The following APP variants were observed in gnomAD, a reference collection of about 807,000 sequenced individuals.
APP encodes amyloid-beta precursor protein.
Under a neutral mutation model 101.4 loss-of-function variants are expected in APP, and 31 were observed. The observed-to-expected ratio is 0.31, with a 90% CI of 0.23 to 0.41. The LOEUF (loss-of-function observed/expected upper bound fraction) is 0.41, where lower values mean the gene tolerates loss of function less well. APP is among the 10% of genes least tolerant of loss of function. APP has a pLI of 1.00. For synonymous variants in APP, 366 were observed against 364.4 expected (o/e 1.00, Z -0.05); for missense variants, 839 against 1,003.7 (o/e 0.84, Z 2.22).
At chr21:26,129,488 A>G (rs1473145564) in intron 1 of APP, among the ~76,000 whole-genome samples, 4 of 151,910 alleles carry the variant, frequency 2.6e-5, no homozygotes, top group Admixed American at 1.3e-4. Flanking sequence ...AAAAAATTTC[A>G]GGTCTTAGGT....
chr21:26,028,880 A>G (rs1176765185), intron 5 of APP, among the ~76,000 whole-genome samples: 1 of 152,180 alleles, frequency 6.6e-6, no homozygotes, highest in Non-Finnish European at 1.5e-5. Context: ...AGATGGGGCT[A>G]ATTGCTAATG....
intron 1 of APP, among the ~76,000 whole-genome samples, chr21:26,154,630 A>C (rs1379086750): frequency 6.6e-6 from 1 of 152,194 alleles, no homozygotes; most frequent in Non-Finnish European, 1.5e-5. Context: ...TTAGTACCTT[A>C]GTAACTAAAG....
intron 3 of APP, among the ~76,000 whole-genome samples, chr21:26,074,185 A>T (rs2061458937): frequency 6.6e-6 from 1 of 152,154 alleles, no homozygotes; most frequent in African/African-American, 2.4e-5. Context: ...AAATACAGGT[A>T]CCTAATCAAT....
At chr21:25,999,517 G>C (rs2043194025) in intron 7 of APP, among the ~76,000 whole-genome samples, 1 of 152,052 alleles carries the variant, frequency 6.6e-6, no homozygotes, top group African/African-American at 2.4e-5. Context: ...CACAATAAAA[G>C]ACATGTTATG....
intron 13 of APP, among the ~76,000 whole-genome samples, chr21:25,937,057 A>G (rs1475513397): frequency 6.6e-6 from 1 of 151,994 alleles, no homozygotes; most frequent in Non-Finnish European, 1.5e-5. Context: ...GTAAAGAAAA[A>G]GCTTTTCTTT....
At chr21:25,928,133 A>G (rs2039980442) in intron 13 of APP, among the ~76,000 whole-genome samples, 1 of 151,948 alleles carries the variant, frequency 6.6e-6, no homozygotes, top group Non-Finnish European at 1.5e-5. Context: ...TCACGAGGTC[A>G]GGAGATCGAC....
chr21:26,089,072 A>G (rs941905138), intron 3 of APP, among the ~76,000 whole-genome samples: 2 of 152,200 alleles, frequency 1.3e-5, no homozygotes, highest in African/African-American at 4.8e-5. Flanking sequence ...TTTAACCTTT[A>G]TAAGAAGTCA....
intron 1 of APP, among the ~76,000 whole-genome samples, chr21:26,126,990 C>T (rs546118925): frequency 2.1e-5 from 3 of 140,192 alleles, no homozygotes; most frequent in African/African-American, 8.3e-5. Context: ...AAAAAAAAAA[C>T]GTTAATTTTT....
intron 13 of APP, among the ~76,000 whole-genome samples, chr21:25,954,267 C>T (rs536971949): frequency 1.5e-3 from 233 of 152,220 alleles, no homozygotes; most frequent in Middle Eastern, 3.4e-3. Flanking sequence ...TTGTAAAGTA[C>T]CAAAGCATCA....
intron 6 of APP, among the ~76,000 whole-genome samples, chr21:26,010,678 G>A (rs112313637): frequency 0.016 from 2,479 of 151,662 alleles, 71 homozygotes; most frequent in African/African-American, 0.056. Flanking sequence ...TATATTAGCC[G>A]GGCGCAGTGG....
intron 3 of APP, among the ~76,000 whole-genome samples, chr21:26,058,897 C>T (rs1218471199): frequency 5.9e-5 from 9 of 151,856 alleles, no homozygotes; most frequent in South Asian, 4.2e-4. Context: ...CTGGCTAACA[C>T]GGTGAAACCC....
chr21:26,121,633 C>T (rs893381597), intron 1 of APP, among the ~76,000 whole-genome samples: 5 of 152,176 alleles, frequency 3.3e-5, no homozygotes, highest in Middle Eastern at 3.4e-3. Context: ...TGAGCCACCG[C>T]GCCTGGCCTT....
intron 2 of APP, 85 bp downstream of exon 2, chr21:26,111,894 C>G (rs2146205600): frequency 6.9e-7 from 1 of 1,449,360 alleles, no homozygotes; most frequent in Non-Finnish European, 9.7e-7. Context: ...GGTTAAAATA[C>G]TGATGCAAAA....
chr21:25,900,884 G>A (rs2038412802), intron 15 of APP, among the ~76,000 whole-genome samples: 1 of 151,212 alleles, frequency 6.6e-6, no homozygotes, highest in African/African-American at 2.4e-5. Context: ...AGCTACTAGA[G>A]GCTTAGGCAG....
intron 1 of APP, among the ~76,000 whole-genome samples, chr21:26,160,789 A>G (rs1481206448): frequency 1.3e-5 from 2 of 152,196 alleles, no homozygotes; most frequent in Non-Finnish European, 2.9e-5. Context: ...GGCACCCTCT[A>G]TTGAAAGTGT....
chr21:25,899,574 CTT>C (rs1361408707), intron 15 of APP, among the ~76,000 whole-genome samples: 112 of 152,206 alleles, frequency 7.4e-4, no homozygotes, highest in African/African-American at 2.7e-3. Flanking sequence ...ACTGAGGTCT[CTT>C]AGTAACAGTG....
chr21:25,979,504 A>G (rs1230622186), intron 9 of APP, among the ~76,000 whole-genome samples: 2 of 152,184 alleles, frequency 1.3e-5, no homozygotes, highest in Non-Finnish European at 2.9e-5. Context: ...ACAGACTATG[A>G]AGATACATAT....
At chr21:26,008,827 C>G (rs2043653214) in intron 6 of APP, among the ~76,000 whole-genome samples, 1 of 152,140 alleles carries the variant, frequency 6.6e-6, no homozygotes, top group African/African-American at 2.4e-5. Context: ...TTGTTGGTAT[C>G]TGTAATATAC....
intron 1 of APP, among the ~76,000 whole-genome samples, chr21:26,161,206 T>A (rs983042263): frequency 1.3e-5 from 2 of 152,222 alleles, no homozygotes; most frequent in Non-Finnish European, 2.9e-5. Context: ...AACTTCTCTC[T>A]CCCACCACTT....
Sources: gnomAD v4.1 joint callset for allele counts (sites outside exome capture counted in the v4.1 genomes callset) on GRCh38, gnomAD v4.1.1 for gene constraint, MANE v1.5 for transcripts, NCBI Gene and HGNC (gene_info 2026-07-23, HGNC 2026-07-21) for gene names.